Variants in OSBPL10 observed in about 807,000 individuals in gnomAD.
OSBPL10 encodes oxysterol-binding protein-related protein 10.
A neutral mutation model predicts 81.7 loss-of-function variants in OSBPL10; 49 were observed. That is an observed-to-expected ratio of 0.60 (90% CI 0.48 to 0.76). The LOEUF (loss-of-function observed/expected upper bound fraction) is 0.76, where lower values mean the gene tolerates loss of function less well. OSBPL10 is among the 30% of genes least tolerant of loss of function. The pLI is 0.00. For synonymous variants in OSBPL10, 419 were observed against 383.6 expected, an observed-to-expected ratio of 1.09 and a Z score of -1.08; for missense variants, 923 against 987.8, an observed-to-expected ratio of 0.93 and a Z score of 0.88.
chr3:32,075,389 T>C (rs1264908085), intron 1 of OSBPL10, among the ~76,000 whole-genome samples: 1 of 152,176 alleles, frequency 6.6e-6, no homozygotes, highest in East Asian at 1.9e-4. Context: ...ACAATAACAT[T>C]GAACCCCCTT....
At chr3:31,688,713 G>T (rs1407888969) in intron 7 of OSBPL10, among the ~76,000 whole-genome samples, 1 of 152,164 alleles carries the variant, frequency 6.6e-6, no homozygotes, top group Non-Finnish European at 1.5e-5. Flanking sequence ...TTCAGTTGCT[G>T]CTTCTCTCGA....
chr3:31,779,233 A>C (rs1698624537), intron 4 of OSBPL10, among the ~76,000 whole-genome samples: 1 of 152,234 alleles, frequency 6.6e-6, no homozygotes, highest in Non-Finnish European at 1.5e-5. Context: ...CGAATGCTGA[A>C]TGTAAATGCC....
chr3:31,833,261 T>C (rs950716690), intron 3 of OSBPL10, among the ~76,000 whole-genome samples: 4 of 152,194 alleles, frequency 2.6e-5, no homozygotes, highest in Non-Finnish European at 5.9e-5. Context: ...AGTTTCATTC[T>C]TCATACACAC....
rs539952613 is a variant in OSBPL10 at position 31,966,619 on chromosome 3, A to G, written c.281+14280T>C. Among the ~76,000 whole-genome samples the G allele has an allele frequency of 1.6e-4, 24 of 152,254 alleles. No homozygotes were observed. The East Asian group carries it at 4.0e-3, about 26-fold the overall frequency. On this transcript the variant is annotated intron_variant, in intron 1 of 11. Coordinates refer to ENST00000396556, the MANE Select transcript of OSBPL10 (RefSeq NM_017784.5). The stretch of plus-strand genomic sequence containing the variant: ...GAAAAAGGGGCCTCATGAACATTAA[A>G]AAGATAATAAGGGAATACTAGAAGC...
At chr3:31,682,062 G>T (rs1246948870) in intron 8 of OSBPL10, among the ~76,000 whole-genome samples, 1 of 152,156 alleles carries the variant, frequency 6.6e-6, no homozygotes, top group Non-Finnish European at 1.5e-5. Context: ...TCCAGAGGCA[G>T]ATCCTCTTGG....
intron 4 of OSBPL10, among the ~76,000 whole-genome samples, chr3:31,812,750 GAAAGAAAGAAAGAAAGAAA>G (rs1699724395): frequency 4.3e-5 from 1 of 23,276 alleles, no homozygotes; most frequent in African/African-American, 1.9e-4. Flanking sequence ...AAGAAAGAAA[GAAAGAAAGAAAGAAAGAAA>G]GAAAGAAAGA....
At chr3:31,877,705 A>C (rs1434433368) in intron 2 of OSBPL10, among the ~76,000 whole-genome samples, 2 of 152,140 alleles carry the variant, frequency 1.3e-5, no homozygotes, top group Non-Finnish European at 2.9e-5. Flanking sequence ...ACCAAATGGG[A>C]AATTCGTTGC....
intron 1 of OSBPL10, among the ~76,000 whole-genome samples, chr3:31,910,834 T>A (rs937473848): frequency 1.3e-5 from 2 of 152,064 alleles, no homozygotes; most frequent in African/African-American, 2.4e-5. Context: ...TTACAAATAT[T>A]TATAGCATAC....
At position 31,723,577 on chromosome 3, in the gene OSBPL10, T is replaced by C. The variant is rs538691269; in HGVS notation, c.1095+9680A>G. On this transcript the variant is annotated intron_variant, in intron 6 of 11. Transcript: ENST00000396556. ...ACACACACACACACACACACCCCTTTCCCTCTAGTTGCTCACATCCATCAT... is the reference window on the plus strand; with the variant it reads ...ACACACACACACACACACACCCCTTCCCCTCTAGTTGCTCACATCCATCAT... Among the ~76,000 whole-genome samples, 15 of 135,914 alleles carry C rather than the reference T, an allele frequency of 1.1e-4. No homozygotes were observed. In the South Asian group the frequency reaches 3.3e-3, roughly 30 times the overall value. 89.2% of individuals were successfully genotyped at this position (135,914 alleles called of 152,430 possible). A position where few individuals can be genotyped will look rare whatever the true frequency, so the allele number is the denominator to read the frequency against.
chr3:31,795,775 G>T, intron 4 of OSBPL10: 1 of 238,384 alleles, frequency 4.2e-6, no homozygotes, highest in South Asian at 7.6e-5. Context: ...TTATAGTTGT[G>T]GGGAATGTGG....
At chr3:31,877,315 A>G (rs1213492733) in intron 2 of OSBPL10, among the ~76,000 whole-genome samples, 1 of 152,186 alleles carries the variant, frequency 6.6e-6, no homozygotes, top group South Asian at 2.1e-4. Flanking sequence ...ATGCTCTCAA[A>G]GATTCATACG....
intron 2 of OSBPL10, among the ~76,000 whole-genome samples, chr3:32,013,813 A>C (rs969645992): frequency 6.6e-6 from 1 of 152,216 alleles, no homozygotes; most frequent in Non-Finnish European, 1.5e-5. Flanking sequence ...AATACTATAA[A>C]CACCTCTATG....
chr3:31,864,379 T>A (rs1278791369), intron 3 of OSBPL10, among the ~76,000 whole-genome samples: 2 of 152,052 alleles, frequency 1.3e-5, no homozygotes, highest in Non-Finnish European at 2.9e-5. Flanking sequence ...GTAGCTGGTA[T>A]GACAGACACA....
At chr3:31,938,204 T>G (rs535375179) in intron 1 of OSBPL10, among the ~76,000 whole-genome samples, 1 of 152,158 alleles carries the variant, frequency 6.6e-6, no homozygotes, top group Non-Finnish European at 1.5e-5. Flanking sequence ...TCTTCTTCTC[T>G]GACAGGCCTC....
At position 31,684,001 on chromosome 3, in the gene OSBPL10, C is replaced by T. The variant is rs889239649; in HGVS notation, c.1359G>A (p.Glu453=). The T allele has an allele frequency of 1.2e-6, 2 of 1,614,226 alleles. No individual in the cohort carries two copies. The highest frequency in any genetic ancestry group is 1.7e-6 in the Non-Finnish European group (2 of 1,180,052). ...LAITAGATPE[E]RVICFVEYYL... is the part of the protein sequence containing the mutation. Reference sequence around the variant, plus strand: ...AATACTCAACGAAGCAAATGACTCTCTCCTCTGGTGTGGCCCCAGCGGTGA... The same window carrying T: ...AATACTCAACGAAGCAAATGACTCTTTCCTCTGGTGTGGCCCCAGCGGTGA... The change falls in exon 8 of 12, where the codon GAG becomes GAA. Residue 453 remains glutamate (E), a synonymous_variant. Coordinates refer to ENST00000396556, the MANE Select transcript of OSBPL10 (RefSeq NM_017784.5).
At chr3:31,919,561 C>T (rs1046858500) in intron 1 of OSBPL10, 1 of 152,186 alleles carries the variant, frequency 6.6e-6, no homozygotes, top group African/African-American at 2.4e-5. Flanking sequence ...ATGACACCTT[C>T]TAGAATTCCA....
rs192122575 is a variant in OSBPL10, at chr3:31,768,824, C to T, written c.730-20704G>A. Among the ~76,000 whole-genome samples the T allele has an allele frequency of 2.2e-3, 335 of 152,302 alleles. 4 individuals carry two copies. Among genetic ancestry groups the T allele is most frequent in the African/African-American group, 7.5e-3 (313 of 41,572 alleles). The stretch of plus-strand genomic sequence containing the variant: ...ATTGAAATATATGCTAGATTTTAAT[C>T]AAGCTCCATTTATTTCACAAACAAT... On this transcript the variant is annotated intron_variant, in intron 4 of 11. Coordinates refer to ENST00000396556, the MANE Select transcript of OSBPL10 (RefSeq NM_017784.5).
At chr3:31,868,781 A>C (rs1701246297) in intron 3 of OSBPL10, among the ~76,000 whole-genome samples, 3 of 152,150 alleles carry the variant, frequency 2.0e-5, no homozygotes, top group Admixed American at 2.0e-4. Flanking sequence ...TAATCACTTG[A>C]CTTTTGTTCT....
chr3:31,955,939 A>G (rs1352922767), intron 1 of OSBPL10, among the ~76,000 whole-genome samples: 1 of 152,216 alleles, frequency 6.6e-6, no homozygotes, highest in East Asian at 1.9e-4. Context: ...TGGAGCAGTT[A>G]TAGCAGATGT....
Sources: allele counts gnomAD v4.1 joint callset (sites outside exome capture counted in the v4.1 genomes callset), GRCh38; gene constraint gnomAD v4.1.1; transcripts MANE v1.5; gene names NCBI Gene and HGNC (gene_info 2026-07-23, HGNC 2026-07-21).